Variants in PTPRD observed in about 807,000 individuals in gnomAD.
PTPRD encodes receptor-type tyrosine-protein phosphatase delta.
In PTPRD, 34 loss-of-function variants were observed where a neutral mutation model predicts 214.5. That is an observed-to-expected ratio of 0.16 (90% CI 0.12 to 0.21). The LOEUF is 0.21. Among genes scored for constraint, PTPRD ranks in the 10% least tolerant of loss-of-function variants. PTPRD has a pLI of 1.00. For synonymous variants in PTPRD, 1,128 were observed against 845.7 expected (o/e 1.33, Z -5.79); for missense variants, 2,545 against 2,398.7 (o/e 1.06, Z -1.27).
intron 5 of PTPRD, among the ~76,000 whole-genome samples, chr9:9,768,739 C>G (rs2154480410): frequency 6.6e-6 from 1 of 152,254 alleles, no homozygotes; most frequent in East Asian, 1.9e-4. Context: ...ATCCAATTGT[C>G]TAATAGCCAT....
intron 4 of PTPRD, among the ~76,000 whole-genome samples, chr9:10,000,266 A>G (rs1344517310): frequency 6.6e-6 from 1 of 152,210 alleles, no homozygotes; most frequent in Non-Finnish European, 1.5e-5. Flanking sequence ...CAAGAGTCAA[A>G]TTACACTGTT....
chr9:10,570,391 A>G (rs531205704), intron 2 of PTPRD, among the ~76,000 whole-genome samples: 5 of 152,296 alleles, frequency 3.3e-5, no homozygotes, highest in African/African-American at 1.2e-4. Flanking sequence ...AAGATTAGAC[A>G]TATCAGGAGT....
chr9:9,705,792 T>C (rs2097589455), intron 7 of PTPRD, among the ~76,000 whole-genome samples: 1 of 152,232 alleles, frequency 6.6e-6, no homozygotes, highest in African/African-American at 2.4e-5. Flanking sequence ...AATATCTTTA[T>C]CAACTTATAC....
chr9:10,461,669 C>A (rs1040249928), intron 2 of PTPRD, among the ~76,000 whole-genome samples: 3 of 149,474 alleles, frequency 2.0e-5, no homozygotes, highest in Non-Finnish European at 4.4e-5. Context: ...GTCTCCCAGG[C>A]TGGAGTGCAG....
intron 14 of PTPRD, among the ~76,000 whole-genome samples, chr9:8,609,670 T>C (rs1005307372): frequency 6.6e-6 from 1 of 152,072 alleles, no homozygotes; most frequent in Non-Finnish European, 1.5e-5. Context: ...CAACACAAAA[T>C]CCACATTTGA....
chr9:10,569,529 C>T (rs1008352483), intron 2 of PTPRD, among the ~76,000 whole-genome samples: 4 of 151,500 alleles, frequency 2.6e-5, no homozygotes, highest in Admixed American at 6.6e-5. Context: ...CTCTCTCTCT[C>T]TCTGTGTGTA....
At chr9:10,539,053 A>T (rs771552515) in intron 2 of PTPRD, among the ~76,000 whole-genome samples, 5 of 152,192 alleles carry the variant, frequency 3.3e-5, no homozygotes, top group Non-Finnish European at 5.9e-5. Flanking sequence ...TTTCCACATT[A>T]ATGCAAATGC....
chr9:9,698,526 T>G (rs1229293778), intron 7 of PTPRD, among the ~76,000 whole-genome samples: 1 of 152,192 alleles, frequency 6.6e-6, no homozygotes, highest in Non-Finnish European at 1.5e-5. Flanking sequence ...AGTATGGTCC[T>G]GCTGGATGGC....
At position 9,326,656 on chromosome 9, in the gene PTPRD, T is replaced by C. The variant is rs150796204; in HGVS notation, c.-203+70793A>G. ...TGAGAGCATTGAAGATTTTTTTTTT[T>C]AAATGAGCAAGTAAGATAAAGACAA... On this transcript the variant is annotated intron_variant, in intron 9 of 45. Transcript: ENST00000381196. Among the ~76,000 whole-genome samples the C allele has an allele frequency of 5.8e-4, 88 of 151,878 alleles. No homozygotes were observed. The East Asian group carries it at 0.014, about 25-fold the overall frequency.
chr9:10,229,759 G>T (rs564934625), intron 3 of PTPRD, among the ~76,000 whole-genome samples: 2 of 151,874 alleles, frequency 1.3e-5, no homozygotes, highest in South Asian at 4.2e-4. Context: ...GCTAAATGAC[G>T]AGTTAATGGG....
intron 12 of PTPRD, among the ~76,000 whole-genome samples, chr9:8,708,326 G>T (rs1026350832): frequency 6.6e-6 from 1 of 152,072 alleles, no homozygotes; most frequent in African/African-American, 2.4e-5. Context: ...TGGTGGAAAT[G>T]TAAATTAGTA....
chr9:10,502,786 C>G (rs1475949334), intron 2 of PTPRD, among the ~76,000 whole-genome samples: 1 of 151,940 alleles, frequency 6.6e-6, no homozygotes, highest in Non-Finnish European at 1.5e-5. Flanking sequence ...CATAAAATAT[C>G]CATTTAGTTT....
chr9:9,098,590 C>T (rs2099786999), intron 10 of PTPRD, among the ~76,000 whole-genome samples: 1 of 152,082 alleles, frequency 6.6e-6, no homozygotes, highest in South Asian at 2.1e-4. Flanking sequence ...ATTATTATTA[C>T]AATTTGAGTG....
intron 10 of PTPRD, among the ~76,000 whole-genome samples, chr9:9,091,987 T>G (rs1030007959): frequency 2.0e-5 from 3 of 152,212 alleles, no homozygotes; most frequent in Non-Finnish European, 4.4e-5. Flanking sequence ...CTCTGCCATT[T>G]TCTTTTCTCT....
intron 10 of PTPRD, among the ~76,000 whole-genome samples, chr9:9,127,996 T>C (rs1007043233): frequency 6.6e-6 from 1 of 152,164 alleles, no homozygotes; most frequent in Non-Finnish European, 1.5e-5. Context: ...ACCTTCCAAA[T>C]TGGCTGCCAA....
intron 8 of PTPRD, 140 bp from the exon 9 acceptor site, chr9:9,397,622 C>A (rs991999551): frequency 6.6e-6 from 1 of 151,948 alleles, no homozygotes; most frequent in African/African-American, 2.4e-5. Flanking sequence ...GTTATCTGAC[C>A]TCAATTATTT....
At chr9:8,735,910 C>A (rs376895786) in intron 11 of PTPRD, among the ~76,000 whole-genome samples, 926 of 130,824 alleles carry the variant, frequency 7.1e-3, no homozygotes, top group Non-Finnish European at 9.9e-3. Context: ...GACTTCGTCT[C>A]AAAAAAAAAA....
intron 2 of PTPRD, among the ~76,000 whole-genome samples, chr9:10,579,215 AC>A (rs1440839112): frequency 1.3e-5 from 2 of 152,142 alleles, no homozygotes; most frequent in African/African-American, 4.8e-5. Context: ...GCAAACTAAC[AC>A]AAGAACAGAA....
rs961523233 is a variant in PTPRD, at chr9:10,202,674, A to G, written c.-545+138289T>C. Among the ~76,000 whole-genome samples the G allele has an allele frequency of 3.3e-5, 4 of 122,428 alleles. No individual in the cohort carries two copies. The Admixed American group carries it at 3.8e-4, about 12-fold the overall frequency. The allele number at this position is 122,428 out of a possible 152,430, so 80.3% of individuals were successfully genotyped here. ...GCCTACTTATAAAAATTATATGGAT[A>G]TATATATATATATATATATATATAT... On this transcript the variant is annotated intron_variant, in intron 3 of 45. Coordinates refer to ENST00000381196, the MANE Select transcript of PTPRD (RefSeq NM_002839.4).
Sources: gnomAD v4.1 joint callset for allele counts (sites outside exome capture counted in the v4.1 genomes callset) on GRCh38, gnomAD v4.1.1 for gene constraint, MANE v1.5 for transcripts, NCBI Gene and HGNC (gene_info 2026-07-23, HGNC 2026-07-21) for gene names.